CDH23: variants seen among roughly 807,000 people sequenced by gnomAD.
CDH23 encodes cadherin related 23.
CDH23 carries 189 observed loss-of-function variants against 317.1 expected under a neutral mutation model. The ratio of observed to expected loss-of-function variants is 0.60; its 90% CI spans 0.53 to 0.67. The LOEUF (loss-of-function observed/expected upper bound fraction) is 0.67. Among genes scored for constraint, CDH23 ranks in the 30% least tolerant of loss-of-function variants. The probability of loss-of-function intolerance (pLI) is 0.00; values close to 1 mark genes in which losing one functional copy is unlikely to be tolerated. For synonymous variants in CDH23, 1,839 were observed against 1,876.8 expected (o/e 0.98, Z 0.52); for missense variants, 4,401 against 4,592.4 (o/e 0.96, Z 1.20).
chr10:71,424,855 G>A (rs970283356), intron 1 of CDH23, among the ~76,000 whole-genome samples: 5 of 152,182 alleles, frequency 3.3e-5, no homozygotes, highest in Admixed American at 2.0e-4. Context: ...ACAGAGTAAA[G>A]GGACTGCTTC....
rs59687895 is a variant in CDH23 at position 71,812,498 on chromosome 10, G to A, written c.9399G>A (p.Leu3133=). 125 of 1,613,704 alleles carry A rather than the reference G, an allele frequency of 7.7e-5. 1 individual carries two copies. The East Asian group carries it at 2.7e-3, about 35-fold the overall frequency. The change falls in exon 67 of 70, where the codon CTG becomes CTA. Residue 3133 remains leucine, a synonymous_variant. Transcript: ENST00000224721. ...YSFDGANPVW[L]DPFCRNLELA... ...ACTGCAGAGCCAACCCTGTGTGGCT[G>A]GATCCCTTCTGTCGGAACCTGGAGC...
At chr10:71,560,379 C>T (rs370502154) in intron 6 of CDH23, among the ~76,000 whole-genome samples, 42 of 152,118 alleles carry the variant, frequency 2.8e-4, no homozygotes, top group African/African-American at 9.9e-4. Flanking sequence ...TACAGCTCCC[C>T]ACCAAACCTC....
chr10:71,692,076 G>C (rs933315829), intron 20 of CDH23, among the ~76,000 whole-genome samples: 13 of 152,128 alleles, frequency 8.5e-5, no homozygotes, highest in African/African-American at 3.1e-4. Context: ...CTGTTCCCAG[G>C]GCTCTGAGCA....
At chr10:71,798,703 T>A (rs1841474541) in intron 50 of CDH23, 125 bp downstream of exon 50, 2 of 762,694 alleles carry the variant, frequency 2.6e-6, no homozygotes, top group South Asian at 1.9e-5. Context: ...ATGGCCAGCA[T>A]TCCATGCCAG....
chr10:71,656,359 C>T (rs1228470254), intron 14 of CDH23, among the ~76,000 whole-genome samples: 1 of 152,140 alleles, frequency 6.6e-6, no homozygotes, highest in African/African-American at 2.4e-5. Flanking sequence ...CTGGGAGCCC[C>T]TGTGTCTCCC....
At chr10:71,804,567 T>C (rs1841653903) in intron 55 of CDH23, among the ~76,000 whole-genome samples, 1 of 152,198 alleles carries the variant, frequency 6.6e-6, no homozygotes, top group African/African-American at 2.4e-5. Flanking sequence ...GAGAAAACTC[T>C]CCCAAGGCTA....
In CDH23 at chr10:71,732,066, C is replaced by T. The variant is rs915382864; in HGVS notation, c.3795C>T (p.Ile1265=). The T allele has an allele frequency of 1.9e-6, 3 of 1,614,044 alleles. No individual in the cohort carries two copies. In the East Asian group the frequency reaches 6.7e-5, roughly 36 times the overall value. The change falls in exon 32 of 70, where the codon ATC becomes ATT. Residue 1265 remains isoleucine, a synonymous_variant. Transcript: ENST00000224721. ...AGATTGACGAGAGCACAGGGCTTAT[C>T]ATCACCGTGAATTACCTGGACTACG... is the stretch of plus-strand genomic sequence containing the variant. ...KFEIDESTGL[I]ITVNYLDYET...
intron 6 of CDH23, among the ~76,000 whole-genome samples, chr10:71,528,927 C>A (rs1268185052): frequency 6.6e-6 from 1 of 152,210 alleles, no homozygotes; most frequent in African/African-American, 2.4e-5. Context: ...AGGTTGTTTC[C>A]TGTGTCCCCA....
At chr10:71,546,660 G>A (rs1184606653) in intron 6 of CDH23, among the ~76,000 whole-genome samples, 2 of 152,218 alleles carry the variant, frequency 1.3e-5, no homozygotes, top group Non-Finnish European at 2.9e-5. Context: ...TTAGTGGAAT[G>A]AATGAATGGG....
At chr10:71,628,792 C>A (rs1861869174) in intron 11 of CDH23, among the ~76,000 whole-genome samples, 1 of 152,228 alleles carries the variant, frequency 6.6e-6, no homozygotes, top group South Asian at 2.1e-4. Context: ...ACCACCACAT[C>A]CGGCCTGAGA....
intron 29 of CDH23, among the ~76,000 whole-genome samples, chr10:71,724,786 A>G (rs983229060): frequency 2.6e-5 from 4 of 152,236 alleles, no homozygotes; most frequent in Admixed American, 2.0e-4. Context: ...TGGCCAGAGA[A>G]TAAAATGTGC....
chr10:71,812,144 C>CCACCCTCCCTTCACCCTCCCTT (rs150570728), intron 66 of CDH23, 129 bp downstream of exon 66: 13 of 1,594,108 alleles, frequency 8.2e-6, no homozygotes, highest in African/African-American at 5.4e-5. Flanking sequence ...GGTGGGCGGG[C>CCACCCTCCCTTCACCCTCCCTT]CACCCTCCCT....
chr10:71,789,873 G>A (rs1485980119), intron 45 of CDH23, among the ~76,000 whole-genome samples: 1 of 152,246 alleles, frequency 6.6e-6, no homozygotes. Flanking sequence ...GCACACATGA[G>A]TGGGTTTTTC....
chr10:71,441,761 AT>A (rs1480150141), intron 2 of CDH23, among the ~76,000 whole-genome samples: 1 of 152,090 alleles, frequency 6.6e-6, no homozygotes, highest in African/African-American at 2.4e-5. Flanking sequence ...ATCAGTAGAA[AT>A]AAAGGAGGTG....
At chr10:71,620,603 C>T (rs1287977881) in intron 11 of CDH23, among the ~76,000 whole-genome samples, 14 of 152,224 alleles carry the variant, frequency 9.2e-5, no homozygotes, top group Non-Finnish European at 1.6e-4. Context: ...ACACCCGCTG[C>T]AGTCAGGGCA....
At chr10:71,699,258 C>T (rs1291419433) in intron 22 of CDH23, among the ~76,000 whole-genome samples, 1 of 152,220 alleles carries the variant, frequency 6.6e-6, no homozygotes, top group Non-Finnish European at 1.5e-5. Context: ...CCCCTACCCC[C>T]TAGCTCAGCC....
At chr10:71,814,236 A>G (rs1842042294) in intron 69 of CDH23, among the ~76,000 whole-genome samples, 1 of 152,236 alleles carries the variant, frequency 6.6e-6, no homozygotes, top group Non-Finnish European at 1.5e-5. Flanking sequence ...TTTATAGAGC[A>G]CCAAAGTTAA....
chr10:71,810,578 G>A lies in CDH23; in HGVS notation c.9077+9G>A, dbSNP rs1409758540. 9 of 1,613,368 alleles carry A rather than the reference G, an allele frequency of 5.6e-6. No homozygotes were observed. The highest frequency in any genetic ancestry group is 7.6e-6 in the Non-Finnish European group (9 of 1,179,408). ...ATCCTGGACGTGGACCGGTGAGTCG[G>A]GGCCTGTGTTTGGACTGTCAGCCTG... On this transcript the variant is annotated intron_variant, in intron 62 of 69. Coordinates refer to ENST00000224721, the MANE Select transcript of CDH23 (RefSeq NM_022124.6).
At chr10:71,658,554 C>T (rs369216016) in intron 14 of CDH23, among the ~76,000 whole-genome samples, 10 of 152,364 alleles carry the variant, frequency 6.6e-5, no homozygotes, top group African/African-American at 7.2e-5. Flanking sequence ...GCTCTGTCTG[C>T]GGCTAATCTT....
Sources: allele counts gnomAD v4.1 joint callset (sites outside exome capture counted in the v4.1 genomes callset), GRCh38; gene constraint gnomAD v4.1.1; transcripts MANE v1.5; gene names NCBI Gene and HGNC (gene_info 2026-07-23, HGNC 2026-07-21).